Variants in EVI5 observed in about 807,000 individuals in gnomAD.
The protein encoded by EVI5 is ecotropic viral integration site 5 protein homolog.
A neutral mutation model predicts 112.0 loss-of-function variants in EVI5; 73 were observed. The ratio of observed to expected loss-of-function variants is 0.65; its 90% CI spans 0.54 to 0.79. The LOEUF (loss-of-function observed/expected upper bound fraction) is 0.79. Ranked by LOEUF, EVI5 falls within the 30% of genes least tolerant of loss-of-function variation. EVI5 has a pLI of 0.00. For missense variants in EVI5, 900 were observed against 968.8 expected (o/e 0.93, Z 0.94); for synonymous variants, 305 against 319.9 (o/e 0.95, Z 0.50).
At chr1:92,751,650 T>A (rs887879010) in intron 1 of EVI5, among the ~76,000 whole-genome samples, 2 of 149,502 alleles carry the variant, frequency 1.3e-5, no homozygotes, top group South Asian at 4.1e-4. Context: ...TTTGAGACAC[T>A]GCATATGTGA....
At chr1:92,612,824 G>A (rs1367965862) in intron 16 of EVI5, among the ~76,000 whole-genome samples, 1 of 151,814 alleles carries the variant, frequency 6.6e-6, no homozygotes, top group Non-Finnish European at 1.5e-5. Context: ...AGGCAGATAC[G>A]GCCACAAGCT....
chr1:92,604,772 G>A (rs1030870160), intron 18 of EVI5, among the ~76,000 whole-genome samples: 42 of 152,158 alleles, frequency 2.8e-4, no homozygotes, highest in African/African-American at 9.9e-4. Flanking sequence ...ACAAACACAT[G>A]AGTAATGTGT....
At position 92,785,022 on chromosome 1, in the gene EVI5, A is replaced by C. The variant is rs1685444073; in HGVS notation, c.-268T>G. ...GCGACCCTCACCTACCCCTCCCGGC[A>C]CCGCCGCTGTCGGAACTGCAGCCAG... On this transcript the variant is annotated 5_prime_UTR_variant, in exon 1 of 20. Coordinates refer to ENST00000684568, the MANE Select transcript of EVI5 (RefSeq NM_001350197.2). 1.0e-6 allele frequency: 1 copy of C among 984,976 alleles called. No individual in the cohort carries two copies. The highest frequency in any genetic ancestry group is 1.8e-5 in the African/African-American group (1 of 57,050). 61.0% of individuals were successfully genotyped at this position (984,976 alleles called of 1,614,324 possible).
chr1:92,689,361 G>A (rs1669094345), intron 9 of EVI5, among the ~76,000 whole-genome samples: 1 of 152,086 alleles, frequency 6.6e-6, no homozygotes, highest in Non-Finnish European at 1.5e-5. Context: ...TGACAAAGTA[G>A]AACAATGAGA....
chr1:92,762,821 G>A (rs757810438), intron 1 of EVI5, among the ~76,000 whole-genome samples: 2 of 152,102 alleles, frequency 1.3e-5, no homozygotes, highest in Non-Finnish European at 2.9e-5. Context: ...GTCTCAGAGT[G>A]GGAGGGTGGG....
chr1:92,731,699 T>C (rs2102773988), intron 2 of EVI5, among the ~76,000 whole-genome samples: 1 of 152,320 alleles, frequency 6.6e-6, no homozygotes, highest in East Asian at 1.9e-4. Context: ...AAGATAGACA[T>C]GTAGACCAAC....
intron 6 of EVI5, among the ~76,000 whole-genome samples, 170 bp downstream of exon 6, chr1:92,697,690 T>C (rs968337220): frequency 6.6e-6 from 1 of 152,204 alleles, no homozygotes; most frequent in Non-Finnish European, 1.5e-5. Flanking sequence ...TCTACCTAAT[T>C]TGAAGGGTCA....
upstream of EVI5, chr1:92,785,183 C>T (rs964774132): frequency 8.2e-6 from 7 of 851,964 alleles, no homozygotes; most frequent in East Asian, 6.1e-4. Flanking sequence ...AGGTTAGGGG[C>T]CGGGCGGGCC....
At chr1:92,774,910 T>C (rs549669111) in intron 1 of EVI5, among the ~76,000 whole-genome samples, 1 of 152,300 alleles carries the variant, frequency 6.6e-6, no homozygotes, top group Admixed American at 6.5e-5. Flanking sequence ...AGAAATGAGA[T>C]GACACTTTGC....
intron 19 of EVI5, among the ~76,000 whole-genome samples, chr1:92,521,332 TA>T (rs1660892318): frequency 6.6e-6 from 1 of 152,216 alleles, no homozygotes; most frequent in Non-Finnish European, 1.5e-5. Context: ...ATGATAAATG[TA>T]AACATTAAAA....
At chr1:92,670,874 T>C (rs1163334534) in intron 10 of EVI5, among the ~76,000 whole-genome samples, 1 of 152,188 alleles carries the variant, frequency 6.6e-6, no homozygotes, top group East Asian at 1.9e-4. Flanking sequence ...TTTCTTGTTA[T>C]TGTGTATTAA....
At chr1:92,605,242 T>C (rs1650099323) in intron 18 of EVI5, 65 bp downstream of exon 18, 2 of 1,041,550 alleles carry the variant, frequency 1.9e-6, no homozygotes, top group Non-Finnish European at 2.9e-6. Flanking sequence ...AGTAAGTTAC[T>C]GTTCAGACAA....
chr1:92,651,208 T>C (rs935853195), intron 13 of EVI5, among the ~76,000 whole-genome samples: 2 of 152,218 alleles, frequency 1.3e-5, no homozygotes, highest in African/African-American at 4.8e-5. Flanking sequence ...ATGAATAAGT[T>C]CATTCCATTA....
intron 1 of EVI5, among the ~76,000 whole-genome samples, chr1:92,783,170 A>G (rs1320092604): frequency 1.3e-5 from 2 of 152,106 alleles, no homozygotes; most frequent in Admixed American, 1.3e-4. Flanking sequence ...TCAATAACTT[A>G]GTTCTAAGAT....
chr1:92,779,447 G>A (rs561817309), intron 1 of EVI5, among the ~76,000 whole-genome samples: 3 of 152,126 alleles, frequency 2.0e-5, no homozygotes, highest in East Asian at 1.9e-4. Flanking sequence ...GCTTGTACCC[G>A]GAAGATGGTG....
intron 14 of EVI5, among the ~76,000 whole-genome samples, chr1:92,628,580 A>C (rs1656202214): frequency 6.6e-6 from 1 of 152,278 alleles, no homozygotes; most frequent in Middle Eastern, 3.4e-3. Flanking sequence ...CGGATACAAG[A>C]CTTAGATCAA....
intron 19 of EVI5, among the ~76,000 whole-genome samples, chr1:92,539,001 T>C (rs765965196): frequency 6.6e-6 from 1 of 152,196 alleles, no homozygotes; most frequent in African/African-American, 2.4e-5. Flanking sequence ...GGTGAGTCAC[T>C]GAGGCAGTGG....
chr1:92,749,226 A>G, intron 1 of EVI5: 1 of 341,712 alleles, frequency 2.9e-6, no homozygotes, highest in Non-Finnish European at 5.9e-6. Context: ...CAGCTTTTGT[A>G]GCCAGTTGCT....
chr1:92,565,054 T>C (rs149758304), intron 18 of EVI5, among the ~76,000 whole-genome samples: 2 of 152,270 alleles, frequency 1.3e-5, no homozygotes, highest in East Asian at 1.9e-4. Context: ...TAGGAAGCCA[T>C]GTGTTGATGC....
Sources: gnomAD v4.1 joint callset for allele counts (sites outside exome capture counted in the v4.1 genomes callset) on GRCh38, gnomAD v4.1.1 for gene constraint, MANE v1.5 for transcripts, NCBI Gene and HGNC (gene_info 2026-07-23, HGNC 2026-07-21) for gene names.